ZDHHC14: variants seen among roughly 807,000 people sequenced by gnomAD.
ZDHHC14 encodes the protein palmitoyltransferase ZDHHC14.
ZDHHC14 carries 16 observed loss-of-function variants against 47.7 expected under a neutral mutation model. The observed-to-expected ratio is 0.34, with a 90% confidence interval of 0.23 to 0.51. The LOEUF (loss-of-function observed/expected upper bound fraction) is 0.51. Ranked by LOEUF, ZDHHC14 falls within the 20% of genes least tolerant of loss-of-function variation. The pLI, the probability that ZDHHC14 is intolerant of heterozygous loss-of-function variation, is 0.97. For synonymous variants in ZDHHC14, 293 were observed against 278.9 expected, an observed-to-expected ratio of 1.05 and a Z score of -0.50; for missense variants, 515 against 662.5, an observed-to-expected ratio of 0.78 and a Z score of 2.44.
At chr6:157,670,007 GCTCTGC>G (rs1408533242) in intron 8 of ZDHHC14, among the ~76,000 whole-genome samples, 2 of 152,252 alleles carry the variant, frequency 1.3e-5, no homozygotes, top group Admixed American at 6.5e-5. Flanking sequence ...CAATGAGGCT[GCTCTGC>G]CTCTGCCTCT....
At chr6:157,522,184 C>T (rs1780942372) in intron 1 of ZDHHC14, among the ~76,000 whole-genome samples, 1 of 152,122 alleles carries the variant, frequency 6.6e-6, no homozygotes. Context: ...CACGAAAATT[C>T]AATGCAACCT....
chr6:157,619,053 G>T (rs1210534567), intron 3 of ZDHHC14, among the ~76,000 whole-genome samples: 4 of 151,850 alleles, frequency 2.6e-5, no homozygotes, highest in African/African-American at 9.7e-5. Context: ...TCAGAATGCC[G>T]GCCTCTGCAG....
chr6:157,553,314 T>C (rs1782322826), intron 2 of ZDHHC14, among the ~76,000 whole-genome samples: 3 of 152,046 alleles, frequency 2.0e-5, no homozygotes, highest in Non-Finnish European at 4.4e-5. Flanking sequence ...TTTGCTAAAA[T>C]TGAGCATTGC....
Position 157,673,533 on chromosome 6 carries a change from A to T in ZDHHC14, c.*411A>T. ...CCTGCCATTCCATTTGTTAATTAAA[A>T]AAAAAAAAAATCCTAAAGGGAAAAA... On this transcript the variant is annotated 3_prime_UTR_variant, in exon 9 of 9. Transcript: ENST00000359775. This position sits in a 1 kb window ranked among gnomAD's most constrained non-coding sequence, Gnocchi z 5.4. 5.8e-6 allele frequency: 1 copy of T among 173,854 alleles called. No homozygotes were observed. Among genetic ancestry groups the T allele is most frequent in the Non-Finnish European group, 1.2e-5 (1 of 83,332 alleles). 10.8% of individuals were successfully genotyped at this position (173,854 alleles called of 1,614,324 possible).
At chr6:157,572,682 C>T (rs892878413) in intron 2 of ZDHHC14, among the ~76,000 whole-genome samples, 1 of 130,838 alleles carries the variant, frequency 7.6e-6, no homozygotes, top group Non-Finnish European at 1.5e-5. Flanking sequence ...GTGTGATGTT[C>T]CCCTTCATGG....
intron 3 of ZDHHC14, among the ~76,000 whole-genome samples, chr6:157,600,338 T>G (rs1784293600): frequency 6.6e-6 from 1 of 152,220 alleles, no homozygotes; most frequent in Non-Finnish European, 1.5e-5. Context: ...TTAATAAAAC[T>G]ATTAGTATAT....
In ZDHHC14 at chr6:157,677,940, A is replaced by G. The variant is rs1778997347; in HGVS notation, c.*4818A>G. The G allele has an allele frequency of 1.4e-5, 1 of 70,868 alleles. No homozygotes were observed. The highest frequency in any genetic ancestry group is 4.5e-4 in the South Asian group (1 of 2,240). 4.4% of individuals were successfully genotyped at this position (70,868 alleles called of 1,614,324 possible). ...TTCACAGTCAAACGTTTTGGCATGG[A>G]AAAAAAAAAAAGCATTTTAAACTCT... On this transcript the variant is annotated 3_prime_UTR_variant, in exon 9 of 9. Coordinates refer to ENST00000359775, the MANE Select transcript of ZDHHC14 (RefSeq NM_024630.3).
At chr6:157,492,814 G>T (rs1583704540) in intron 1 of ZDHHC14, among the ~76,000 whole-genome samples, 1 of 152,190 alleles carries the variant, frequency 6.6e-6, no homozygotes, top group African/African-American at 2.4e-5. Flanking sequence ...ACAGGCGTGA[G>T]TGGGGACCCA....
chr6:157,550,436 C>T (rs184323281), intron 2 of ZDHHC14, among the ~76,000 whole-genome samples: 9 of 135,962 alleles, frequency 6.6e-5, no homozygotes, highest in South Asian at 6.2e-4. Flanking sequence ...GTCACACACA[C>T]GCTCTAGAGA....
intron 2 of ZDHHC14, among the ~76,000 whole-genome samples, chr6:157,591,595 A>G (rs1316124355): frequency 6.6e-6 from 1 of 152,172 alleles, no homozygotes; most frequent in African/African-American, 2.4e-5. Flanking sequence ...TCAATTATCC[A>G]GTCTCAGGTA....
chr6:157,587,014 A>G (rs1225528859), intron 2 of ZDHHC14, among the ~76,000 whole-genome samples: 1 of 152,264 alleles, frequency 6.6e-6, no homozygotes, highest in Non-Finnish European at 1.5e-5. Flanking sequence ...ATTGCTACTC[A>G]GAACTAGGCT....
In ZDHHC14 at chr6:157,558,826, ATG is replaced by A. The variant is rs1782585578; in HGVS notation, c.406+16083_406+16084del. On this transcript the variant is annotated intron_variant, in intron 2 of 8. Coordinates refer to ENST00000359775, the MANE Select transcript of ZDHHC14 (RefSeq NM_024630.3). ...CAAACAATAAAACAAAGTTCAAGTA[ATG>A]TAGATCAGAGATTCCTCTTCCCTGC... is the stretch of plus-strand genomic sequence containing the variant. Among the ~76,000 whole-genome samples the A allele has an allele frequency of 2.0e-5, 3 of 151,982 alleles. No individual in the cohort carries two copies. The South Asian group carries it at 6.2e-4, about 32-fold the overall frequency.
intron 2 of ZDHHC14, among the ~76,000 whole-genome samples, chr6:157,558,035 T>C (rs1010302012): frequency 5.9e-5 from 9 of 152,256 alleles, no homozygotes; most frequent in African/African-American, 2.2e-4. Context: ...TGAAGTTCAC[T>C]TTAATAGTAT....
In ZDHHC14 at chr6:157,645,762, T is replaced by C. The variant is rs916731686; in HGVS notation, c.778T>C (p.Phe260Leu). 6.2e-7 allele frequency: 1 copy of C among 1,614,006 alleles called. No individual in the cohort carries two copies. Among genetic ancestry groups the C allele is most frequent in the African/African-American group, 1.3e-5 (1 of 74,928 alleles). ...ASVLEAVVCFFSVWSIVGLSG... is the reference protein window; with the variant it reads ...ASVLEAVVCFLSVWSIVGLSG... ...CGTCCTGGAGGCTGTGGTGTGCTTC[T>C]TCTCTGTCTGGTCCATCGTTGGCCT... The change falls in exon 6 of 9, where the codon TTC (phenylalanine) becomes CTC (leucine). Residue 260 changes from phenylalanine to leucine, a missense_variant. Around this residue, in one of 4 missense-constraint regions of ZDHHC14, gnomAD observed 229 missense variants for 351.5 expected, o/e 0.65. Coordinates refer to ENST00000359775, the MANE Select transcript of ZDHHC14 (RefSeq NM_024630.3).
rs1290720878 is a variant in ZDHHC14 at position 157,628,423 on chromosome 6, A to G, written c.640A>G (p.Ile214Val). 6.2e-7 allele frequency: 1 copy of G among 1,611,280 alleles called. No individual in the cohort carries two copies. Among genetic ancestry groups the G allele is most frequent in the Non-Finnish European group, 8.5e-7 (1 of 1,179,302 alleles). The change falls in exon 4 of 9, where the codon ATT becomes GTT. Residue 214 changes from isoleucine to valine, a missense_variant. Ile to Val is a conservative substitution (Grantham distance 29). Coordinates refer to ENST00000359775, the MANE Select transcript of ZDHHC14 (RefSeq NM_024630.3). ...AAACTACAGATTTTTTTATATGTTT[A>G]TTTTATCTCTGTCTTTTCTGACAGT... Reference protein sequence around the residue: ...KRNYRFFYMFILSLSFLTVFI... With the variant: ...KRNYRFFYMFVLSLSFLTVFI...
At chr6:157,423,617 T>C (rs538786321) in intron 1 of ZDHHC14, among the ~76,000 whole-genome samples, 1 of 152,328 alleles carries the variant, frequency 6.6e-6, no homozygotes, top group South Asian at 2.1e-4. Context: ...CTCCAAATAT[T>C]ATAGTCTGAA....
At chr6:157,410,507 C>CA (rs1342804081) in intron 1 of ZDHHC14, among the ~76,000 whole-genome samples, 2 of 152,162 alleles carry the variant, frequency 1.3e-5, no homozygotes, top group Admixed American at 1.3e-4. Flanking sequence ...AAGAACAACT[C>CA]ATTACCAACT....
chr6:157,521,922 C>G (rs145013126), intron 1 of ZDHHC14, among the ~76,000 whole-genome samples: 1 of 152,320 alleles, frequency 6.6e-6, no homozygotes, highest in African/African-American at 2.4e-5. Context: ...TTTAGGAATG[C>G]TTGCTTAGAA....
intron 1 of ZDHHC14, among the ~76,000 whole-genome samples, chr6:157,409,757 C>T (rs1777835812): frequency 6.6e-6 from 1 of 152,110 alleles, no homozygotes; most frequent in Non-Finnish European, 1.5e-5. Flanking sequence ...AGTGGTTTCC[C>T]ATCTCCTCCA....
Sources: gnomAD v4.1 joint callset for allele counts (sites outside exome capture counted in the v4.1 genomes callset) on GRCh38, gnomAD v4.1.1 for gene constraint, gnomAD v4.1.1 regional missense constraint, Gnocchi (gnomAD v3.1) non-coding constraint, MANE v1.5 for transcripts, NCBI Gene and HGNC (gene_info 2026-07-23, HGNC 2026-07-21) for gene names.